ARHGAP35: variants seen among roughly 807,000 people sequenced by gnomAD.
ARHGAP35 encodes the protein rho GTPase-activating protein 35.
A neutral mutation model predicts 111.1 loss-of-function variants in ARHGAP35; 15 were observed. The ratio of observed to expected loss-of-function variants is 0.13; its 90% confidence interval spans 0.09 to 0.21. ARHGAP35 has a LOEUF of 0.21. ARHGAP35 is among the 10% of genes least tolerant of loss of function. The pLI is 1.00. For missense variants in ARHGAP35, 1,262 were observed against 1,873.0 expected (o/e 0.67, Z 6.02); for synonymous variants, 643 against 710.3 (o/e 0.91, Z 1.51).
intron 3 of ARHGAP35, among the ~76,000 whole-genome samples, chr19:46,961,677 C>T (rs563759529): frequency 1.3e-5 from 2 of 152,148 alleles, no homozygotes; most frequent in Non-Finnish European, 2.9e-5. Flanking sequence ...TGCCTGTAAT[C>T]CCAGAACTTT....
At chr19:46,863,693 A>G (rs543051326) in intron 1 of ARHGAP35, among the ~76,000 whole-genome samples, 22 of 151,140 alleles carry the variant, frequency 1.5e-4, no homozygotes, top group African/African-American at 3.4e-4. Flanking sequence ...AGTTATTTCA[A>G]TATATAGTTT....
At chr19:46,929,161 TG>T (rs2056256728) in intron 2 of ARHGAP35, among the ~76,000 whole-genome samples, 2 of 152,202 alleles carry the variant, frequency 1.3e-5, no homozygotes, top group South Asian at 4.1e-4. Context: ...TAATAGATTT[TG>T]TCAGCAAGAA....
chr19:46,940,454 G>A (rs1457750003), intron 3 of ARHGAP35, among the ~76,000 whole-genome samples: 7 of 151,790 alleles, frequency 4.6e-5, no homozygotes, highest in African/African-American at 1.5e-4. Flanking sequence ...TTTGAACCCA[G>A]AAGGCAGTGG....
chr19:46,891,420 AGTTTTTTTTTTTT>A (rs2056022906), intron 1 of ARHGAP35, among the ~76,000 whole-genome samples: 2 of 149,974 alleles, frequency 1.3e-5, no homozygotes, highest in Non-Finnish European at 3.0e-5. Flanking sequence ...TGCTAGGGCA[AGTTTTTTTTTTTT>A]GTTTTTTTTT....
intron 1 of ARHGAP35, among the ~76,000 whole-genome samples, chr19:46,881,232 G>A (rs943802611): frequency 1.3e-5 from 2 of 152,090 alleles, no homozygotes; most frequent in African/African-American, 4.8e-5. Flanking sequence ...GAGCCACTGC[G>A]TCCAGCTCAA....
chr19:46,944,674 A>G (rs2056368485), intron 3 of ARHGAP35, among the ~76,000 whole-genome samples: 1 of 152,214 alleles, frequency 6.6e-6, no homozygotes, highest in Non-Finnish European at 1.5e-5. Flanking sequence ...GGCACGTGGC[A>G]GTTTCCTGTG....
intron 3 of ARHGAP35, among the ~76,000 whole-genome samples, chr19:46,959,540 C>T (rs1599847405): frequency 6.6e-6 from 1 of 151,792 alleles, no homozygotes; most frequent in East Asian, 1.9e-4. Flanking sequence ...GCTGGGATTA[C>T]AGGCACCCGC....
At chr19:46,884,078 G>A (rs960749342) in intron 1 of ARHGAP35, among the ~76,000 whole-genome samples, 9 of 152,152 alleles carry the variant, frequency 5.9e-5, no homozygotes, top group Admixed American at 2.6e-4. Context: ...ATGCCTATAC[G>A]AGTTTACTAG....
chr19:46,987,913 CT>C (rs1390590912), intron 3 of ARHGAP35, 75 bp from the exon 4 acceptor site: 7 of 1,455,988 alleles, frequency 4.8e-6, no homozygotes, highest in Non-Finnish European at 1.9e-6. Flanking sequence ...TGGCTTTCTC[CT>C]TGTCTTCGAG....
chr19:46,937,534 C>T (rs2056316636), intron 3 of ARHGAP35, 126 bp downstream of exon 3: 1 of 1,063,380 alleles, frequency 9.4e-7, no homozygotes, highest in Non-Finnish European at 1.4e-6. Context: ...GGAGAAGGAG[C>T]TGAGCAGTCC....
chr19:46,950,996 C>T (rs2056409440), intron 3 of ARHGAP35, among the ~76,000 whole-genome samples: 1 of 152,216 alleles, frequency 6.6e-6, no homozygotes, highest in Non-Finnish European at 1.5e-5. Flanking sequence ...GCTCTTACCC[C>T]AGTCCCTTTA....
chr19:46,987,218 C>CTTTTTTTTTTTTTT (rs370500363), intron 3 of ARHGAP35, among the ~76,000 whole-genome samples: 2 of 115,592 alleles, frequency 1.7e-5, no homozygotes, highest in Non-Finnish European at 3.6e-5. Flanking sequence ...TCTTTTTTTT[C>CTTTTTTTTTTTTTT]TTTTTTTTTT....
intron 3 of ARHGAP35, among the ~76,000 whole-genome samples, chr19:46,966,302 A>G (rs2056514982): frequency 6.6e-6 from 1 of 152,166 alleles, no homozygotes; most frequent in African/African-American, 2.4e-5. Context: ...TAATCCCAAC[A>G]CTTTGGGAAG....
chr19:46,925,998 G>A (rs1038669137), intron 2 of ARHGAP35, among the ~76,000 whole-genome samples: 3 of 152,102 alleles, frequency 2.0e-5, no homozygotes, highest in Non-Finnish European at 2.9e-5. Flanking sequence ...TCTAGCTGAG[G>A]GCTTGAGGGA....
chr19:46,896,690 G>C (rs1715848198), intron 1 of ARHGAP35, among the ~76,000 whole-genome samples: 1 of 152,158 alleles, frequency 6.6e-6, no homozygotes, highest in African/African-American at 2.4e-5. Flanking sequence ...ACTAAGCCGG[G>C]TGATCTTGAA....
chr19:46,964,355 C>A (rs756292585), intron 3 of ARHGAP35, among the ~76,000 whole-genome samples: 9 of 151,706 alleles, frequency 5.9e-5, no homozygotes, highest in Non-Finnish European at 1.2e-4. Context: ...GCAGCCTTGA[C>A]TGCTTGGGCT....
chr19:46,875,769 G>A (rs756397355), intron 1 of ARHGAP35, among the ~76,000 whole-genome samples: 2 of 152,164 alleles, frequency 1.3e-5, no homozygotes, highest in Non-Finnish European at 2.9e-5. Flanking sequence ...GCATGTGAGG[G>A]TGCTGCAAAG....
chr19:46,982,883 G>GA (rs1209911121), intron 3 of ARHGAP35, among the ~76,000 whole-genome samples: 14 of 149,804 alleles, frequency 9.3e-5, no homozygotes, highest in Non-Finnish European at 1.6e-4. Flanking sequence ...CCATCTCTAC[G>GA]AAAAAAAAAT....
intron 3 of ARHGAP35, among the ~76,000 whole-genome samples, chr19:46,969,018 C>T (rs954073521): frequency 6.6e-6 from 1 of 152,100 alleles, no homozygotes; most frequent in Non-Finnish European, 1.5e-5. Flanking sequence ...ACCTGGAAGG[C>T]AGAGGTTGCA....
Sources: gnomAD v4.1 joint callset for allele counts (sites outside exome capture counted in the v4.1 genomes callset) on GRCh38, gnomAD v4.1.1 for gene constraint, MANE v1.5 for transcripts, NCBI Gene and HGNC (gene_info 2026-07-23, HGNC 2026-07-21) for gene names.